CRPPA: variants seen among roughly 807,000 people sequenced by gnomAD.
CRPPA encodes the protein D-ribitol-5-phosphate cytidylyltransferase.
Under a neutral mutation model 52.0 loss-of-function variants are expected in CRPPA, and 43 were observed. That is an observed-to-expected ratio of 0.83 (90% CI 0.65 to 1.07). The LOEUF (loss-of-function observed/expected upper bound fraction) is 1.07. CRPPA is among the 50% of genes least tolerant of loss of function. CRPPA has a pLI of 0.00. For synonymous variants in CRPPA, 250 were observed against 203.5 expected, an observed-to-expected ratio of 1.23 and a Z score of -1.94; for missense variants, 629 against 551.7, an observed-to-expected ratio of 1.14 and a Z score of -1.40.
intron 3 of CRPPA, among the ~76,000 whole-genome samples, chr7:16,313,100 A>C (rs1785067986): frequency 6.6e-6 from 1 of 152,002 alleles, no homozygotes; most frequent in Non-Finnish European, 1.5e-5. Flanking sequence ...GAGTTAAGGA[A>C]GTATTCCCTT....
intron 9 of CRPPA, among the ~76,000 whole-genome samples, chr7:16,206,198 T>G (rs1019874654): frequency 1.3e-5 from 2 of 152,004 alleles, no homozygotes; most frequent in African/African-American, 4.8e-5. Flanking sequence ...GGTCAAAATA[T>G]TTTTTTTGTT....
intron 3 of CRPPA, among the ~76,000 whole-genome samples, chr7:16,312,416 C>A (rs78266443): frequency 0.079 from 12,023 of 152,036 alleles, 786 homozygotes; most frequent in African/African-American, 0.18. Context: ...TACACATGTT[C>A]ATGCTGGTAC....
At chr7:16,145,827 A>T (rs548699496) in intron 9 of CRPPA, among the ~76,000 whole-genome samples, 3 of 152,166 alleles carry the variant, frequency 2.0e-5, no homozygotes, top group Non-Finnish European at 4.4e-5. Flanking sequence ...TTAATGAAAC[A>T]TCATCAAATT....
intron 9 of CRPPA, among the ~76,000 whole-genome samples, chr7:16,198,461 T>C (rs1781783444): frequency 8.8e-6 from 1 of 113,864 alleles, no homozygotes; most frequent in Non-Finnish European, 1.7e-5. Flanking sequence ...CTCCCCACAA[T>C]TGTCTTGTGA....
intron 2 of CRPPA, among the ~76,000 whole-genome samples, chr7:16,386,207 G>A (rs1236802464): frequency 6.6e-6 from 1 of 152,072 alleles, no homozygotes; most frequent in Non-Finnish European, 1.5e-5. Flanking sequence ...GCTGTCCAGT[G>A]GTCAATCTTC....
At chr7:16,148,599 C>G (rs74666326) in intron 9 of CRPPA, among the ~76,000 whole-genome samples, 5,673 of 151,858 alleles carry the variant, frequency 0.037, 330 homozygotes, top group East Asian at 0.3. Context: ...GCTCATATAA[C>G]AAGTAGAGAG....
intron 5 of CRPPA, among the ~76,000 whole-genome samples, chr7:16,288,139 C>T (rs1391886533): frequency 1.3e-5 from 2 of 152,002 alleles, no homozygotes; most frequent in African/African-American, 4.8e-5. Flanking sequence ...GTTTGAGCCA[C>T]CCAGACTTGG....
chr7:16,258,506 G>C (rs1783707344), intron 7 of CRPPA, 24 bp from the exon 8 acceptor site: 2 of 1,395,718 alleles, frequency 1.4e-6, no homozygotes, highest in East Asian at 2.3e-5. Context: ...AAAATAAAAG[G>C]ATATGAGAAG....
chr7:16,324,014 G>C (rs1387382363), intron 3 of CRPPA, among the ~76,000 whole-genome samples: 2 of 152,196 alleles, frequency 1.3e-5, no homozygotes, highest in Admixed American at 1.3e-4. Flanking sequence ...ATGCAAATAG[G>C]AGGAAGCAGA....
intron 8 of CRPPA, among the ~76,000 whole-genome samples, chr7:16,225,932 T>A (rs1782637821): frequency 6.6e-6 from 1 of 151,822 alleles, no homozygotes; most frequent in Non-Finnish European, 1.5e-5. Context: ...TAAAAAAACT[T>A]TTTAGAAGAT....
At chr7:16,092,910 A>T (rs936150165) in intron 9 of CRPPA, among the ~76,000 whole-genome samples, 1 of 152,128 alleles carries the variant, frequency 6.6e-6, no homozygotes, top group Non-Finnish European at 1.5e-5. Context: ...CTGAGCTTGA[A>T]TATCTTTGGG....
At chr7:16,205,900 TG>T (rs1372628095) in intron 9 of CRPPA, among the ~76,000 whole-genome samples, 2 of 151,308 alleles carry the variant, frequency 1.3e-5, no homozygotes, top group Non-Finnish European at 2.9e-5. Context: ...AGAATTAAGG[TG>T]GTGAATATGG....
intron 6 of CRPPA, among the ~76,000 whole-genome samples, chr7:16,264,898 T>C (rs1783912006): frequency 6.6e-6 from 1 of 152,212 alleles, no homozygotes; most frequent in Non-Finnish European, 1.5e-5. Context: ...GGTTTGAATC[T>C]ATCTCCAGAA....
intron 9 of CRPPA, among the ~76,000 whole-genome samples, chr7:16,144,380 T>A (rs184933706): frequency 6.6e-6 from 1 of 152,176 alleles, no homozygotes; most frequent in South Asian, 2.1e-4. Context: ...TCTAGAGACA[T>A]GCCCAAGGGA....
At chr7:16,294,816 G>A (rs1784638238) in intron 5 of CRPPA, among the ~76,000 whole-genome samples, 1 of 151,986 alleles carries the variant, frequency 6.6e-6, no homozygotes, top group Admixed American at 6.6e-5. Flanking sequence ...AAAGCCTGAT[G>A]AGAACATACC....
Position 16,089,484 on chromosome 7 carries a change from C to T in CRPPA, c.*2211G>A, listed in dbSNP as rs776032519. The T allele has an allele frequency of 7.4e-5, 22 of 299,200 alleles. 1 individual carries two copies. The highest frequency in any genetic ancestry group is 1.6e-4 in the East Asian group (2 of 12,776). 18.5% of individuals were successfully genotyped at this position (299,200 alleles called of 1,614,324 possible). ...GTGTATATATGTACGTACATATATACGGGTATATATGTACGTACATACATA... is the reference window on the plus strand; with the variant it reads ...GTGTATATATGTACGTACATATATATGGGTATATATGTACGTACATACATA... On this transcript the variant is annotated 3_prime_UTR_variant, in exon 10 of 10. Coordinates refer to ENST00000407010, the MANE Select transcript of CRPPA (RefSeq NM_001101426.4).
intron 3 of CRPPA, among the ~76,000 whole-genome samples, chr7:16,369,833 T>C (rs1484801278): frequency 6.6e-6 from 1 of 151,950 alleles, no homozygotes; most frequent in African/African-American, 2.4e-5. Flanking sequence ...CACAGACCCT[T>C]TGAAAGAAGT....
chr7:16,156,511 T>G (rs1368701672), intron 9 of CRPPA, among the ~76,000 whole-genome samples: 1 of 152,198 alleles, frequency 6.6e-6, no homozygotes, highest in Admixed American at 6.5e-5. Flanking sequence ...GTAACTTTGC[T>G]CCATACTTCT....
intron 9 of CRPPA, among the ~76,000 whole-genome samples, chr7:16,207,786 A>G (rs1229914728): frequency 6.6e-6 from 1 of 152,218 alleles, no homozygotes; most frequent in African/African-American, 2.4e-5. Flanking sequence ...CCCATTTTAA[A>G]TTTTTCATTG....
Sources: gnomAD v4.1 joint callset for allele counts (sites outside exome capture counted in the v4.1 genomes callset) on GRCh38, gnomAD v4.1.1 for gene constraint, MANE v1.5 for transcripts, NCBI Gene and HGNC (gene_info 2026-07-23, HGNC 2026-07-21) for gene names.